DDX10: variants seen among roughly 807,000 people sequenced by gnomAD.
DDX10 encodes DEAD-box helicase 10, also known as probable ATP-dependent RNA helicase DDX10.
In DDX10, 74 loss-of-function variants were observed where a neutral mutation model predicts 104.3. The observed-to-expected ratio is 0.71, with a 90% confidence interval of 0.59 to 0.86. DDX10 has a LOEUF of 0.86. Among genes scored for constraint, DDX10 ranks in the 40% least tolerant of loss-of-function variants. DDX10 has a pLI of 0.00. For synonymous variants in DDX10, 351 were observed against 353.4 expected, an observed-to-expected ratio of 0.99 and a Z score of 0.08; for missense variants, 952 against 1,040.0, an observed-to-expected ratio of 0.92 and a Z score of 1.16.
At chr11:108,798,608 T>C (rs554845590) in intron 13 of DDX10, among the ~76,000 whole-genome samples, 2 of 152,364 alleles carry the variant, frequency 1.3e-5, no homozygotes, top group South Asian at 2.1e-4. Flanking sequence ...TCTTGTAGCA[T>C]GTATCAGAAT....
chr11:108,767,361 A>G (rs927040298), intron 13 of DDX10: 3 of 152,328 alleles, frequency 2.0e-5, no homozygotes, highest in African/African-American at 7.2e-5. Flanking sequence ...CTCCTTTCCA[A>G]TTCCAATAAA....
At chr11:108,742,371 G>C (rs2094326270) in intron 13 of DDX10, among the ~76,000 whole-genome samples, 1 of 151,878 alleles carries the variant, frequency 6.6e-6, no homozygotes, top group Admixed American at 6.6e-5. Flanking sequence ...TTCGAGACCA[G>C]CCTGACCAAC....
intron 16 of DDX10, among the ~76,000 whole-genome samples, chr11:108,863,654 C>T (rs561699892): frequency 5.0e-4 from 76 of 152,300 alleles, no homozygotes; most frequent in Non-Finnish European, 8.8e-4. Flanking sequence ...GAATTCTAAA[C>T]ACAACTGCTA....
chr11:108,763,531 C>T (rs181954150), intron 13 of DDX10, among the ~76,000 whole-genome samples: 2 of 152,198 alleles, frequency 1.3e-5, no homozygotes, highest in Admixed American at 6.5e-5. Flanking sequence ...AAGTATTTAC[C>T]GTATCAGTTA....
At chr11:108,829,475 T>C (rs770457796) in intron 13 of DDX10, among the ~76,000 whole-genome samples, 5 of 152,228 alleles carry the variant, frequency 3.3e-5, no homozygotes, top group Non-Finnish European at 7.3e-5. Context: ...GAATTCTTTG[T>C]AGATTCTGGA....
intron 13 of DDX10, among the ~76,000 whole-genome samples, chr11:108,775,340 A>G (rs1377027814): frequency 1.2e-4 from 18 of 152,234 alleles, no homozygotes; most frequent in Admixed American, 1.2e-3. Flanking sequence ...TGACCTTCAC[A>G]AGGAAACACA....
intron 13 of DDX10, among the ~76,000 whole-genome samples, chr11:108,777,797 A>T (rs1253987838): frequency 6.6e-6 from 1 of 152,184 alleles, no homozygotes; most frequent in Non-Finnish European, 1.5e-5. Context: ...AGAAAACCTC[A>T]TCGTCTCAGC....
chr11:108,875,728 T>C (rs948251184), intron 16 of DDX10, among the ~76,000 whole-genome samples: 7 of 152,220 alleles, frequency 4.6e-5, no homozygotes, highest in African/African-American at 1.7e-4. Flanking sequence ...GCTTTCCAGT[T>C]CATGAAGCAC....
chr11:108,812,425 A>G (rs1021171577), intron 13 of DDX10, among the ~76,000 whole-genome samples: 3 of 152,124 alleles, frequency 2.0e-5, no homozygotes, highest in Non-Finnish European at 2.9e-5. Context: ...ATCTCTCAAA[A>G]ACGTACAATT....
intron 13 of DDX10, among the ~76,000 whole-genome samples, chr11:108,749,789 CATT>C (rs755380180): frequency 2.0e-5 from 3 of 152,106 alleles, no homozygotes; most frequent in Non-Finnish European, 2.9e-5. Context: ...TATTTGCAAA[CATT>C]ATTAAAATGG....
intron 13 of DDX10, among the ~76,000 whole-genome samples, chr11:108,758,818 A>G (rs2094347467): frequency 6.6e-6 from 1 of 152,060 alleles, no homozygotes; most frequent in Non-Finnish European, 1.5e-5. Flanking sequence ...AAGTTAGCTG[A>G]TTAACTGCCT....
chr11:108,922,218 T>C (rs1863838346), intron 17 of DDX10: 1 of 12,488 alleles, frequency 8.0e-5, no homozygotes, highest in African/African-American at 1.5e-4. Context: ...CACTCCAGCC[T>C]GGGCAACAGA....
At chr11:108,842,893 A>T (rs945423106) in intron 15 of DDX10, among the ~76,000 whole-genome samples, 2 of 152,148 alleles carry the variant, frequency 1.3e-5, no homozygotes, top group African/African-American at 4.8e-5. Flanking sequence ...AATATGAAGG[A>T]TTTACATAAA....
At chr11:108,936,733 C>T (rs1864042058) in intron 17 of DDX10, among the ~76,000 whole-genome samples, 1 of 152,144 alleles carries the variant, frequency 6.6e-6, no homozygotes. Context: ...GGATTTCTAA[C>T]TTTCTGAAAT....
intron 16 of DDX10, among the ~76,000 whole-genome samples, chr11:108,872,360 T>G (rs546127527): frequency 6.6e-6 from 1 of 152,348 alleles, no homozygotes; most frequent in African/African-American, 2.4e-5. Context: ...TTTACTATGT[T>G]TGGCTATTTC....
At chr11:108,753,207 C>A (rs1232533908) in intron 13 of DDX10, among the ~76,000 whole-genome samples, 2 of 152,082 alleles carry the variant, frequency 1.3e-5, no homozygotes. Context: ...AAATTTATGT[C>A]TTAATCCTAA....
At chr11:108,815,599 A>G (rs1050944969) in intron 13 of DDX10, among the ~76,000 whole-genome samples, 2 of 152,200 alleles carry the variant, frequency 1.3e-5, no homozygotes, top group East Asian at 1.9e-4. Context: ...CTTAAATTTA[A>G]TGCTATCATG....
intron 13 of DDX10, among the ~76,000 whole-genome samples, chr11:108,810,901 A>G (rs546697704): frequency 1.8e-4 from 27 of 151,986 alleles, no homozygotes; most frequent in South Asian, 1.2e-3. Context: ...CCCGTTTCGC[A>G]CCTCCCCTAG....
intron 4 of DDX10, 109 bp from the exon 5 acceptor site, chr11:108,678,205 GT>G: frequency 9.5e-7 from 1 of 1,053,376 alleles, no homozygotes. Flanking sequence ...ATTTCCAAGA[GT>G]ATCTAAAATG....
Sources: allele counts gnomAD v4.1 joint callset (sites outside exome capture counted in the v4.1 genomes callset), GRCh38; gene constraint gnomAD v4.1.1; transcripts MANE v1.5; gene names NCBI Gene and HGNC (gene_info 2026-07-23, HGNC 2026-07-21).